FRMD4B: variants seen among roughly 807,000 people sequenced by gnomAD.
FRMD4B encodes FERM domain containing 4B.
Under a neutral mutation model 141.5 loss-of-function variants are expected in FRMD4B, and 74 were observed. That is an observed-to-expected ratio of 0.52 (90% CI 0.43 to 0.63). The LOEUF (loss-of-function observed/expected upper bound fraction) is 0.63, where lower values mean the gene tolerates loss of function less well. Ranked by LOEUF, FRMD4B falls within the 30% of genes least tolerant of loss-of-function variation. The pLI is 0.00. For missense variants in FRMD4B, 1,366 were observed against 1,253.4 expected, an observed-to-expected ratio of 1.09 and a Z score of -1.36; for synonymous variants, 506 against 467.9, an observed-to-expected ratio of 1.08 and a Z score of -1.05.
chr3:69,383,277 A>G (rs973244720), intron 1 of FRMD4B, among the ~76,000 whole-genome samples: 1 of 152,230 alleles, frequency 6.6e-6, no homozygotes, highest in Non-Finnish European at 1.5e-5. Flanking sequence ...TTTTCACTTA[A>G]TATTTGAAAA....
intron 2 of FRMD4B, among the ~76,000 whole-genome samples, chr3:69,411,367 T>C (rs1481870021): frequency 6.6e-6 from 1 of 152,146 alleles, no homozygotes; most frequent in African/African-American, 2.4e-5. Flanking sequence ...AAAAATACAA[T>C]TAACCACCCA....
At position 69,517,335 on chromosome 3, in the gene FRMD4B, C is replaced by A. The variant is rs991830084; in HGVS notation, c.-129+24871G>T. Among the ~76,000 whole-genome samples, 4 of 152,104 alleles carry A rather than the reference C, an allele frequency of 2.6e-5. No individual in the cohort carries two copies. The East Asian group carries it at 7.7e-4, about 29-fold the overall frequency. On this transcript the variant is annotated intron_variant, in intron 1 of 5. Transcript: ENST00000459638. ...CCTCTGTGATGGCTCGCCCAAATAC[C>A]ACCCTATGTCAGATTGATTTGTTCA...
intron 1 of FRMD4B, among the ~76,000 whole-genome samples, chr3:69,354,415 A>G (rs1467069874): frequency 1.3e-5 from 2 of 152,170 alleles, no homozygotes; most frequent in Non-Finnish European, 1.5e-5. Flanking sequence ...TGAAAAAAAG[A>G]ACAGTCTGGA....
chr3:69,268,541 G>A (rs1306857503), intron 5 of FRMD4B, among the ~76,000 whole-genome samples: 1 of 151,996 alleles, frequency 6.6e-6, no homozygotes, highest in East Asian at 1.9e-4. Context: ...AATGTACAAT[G>A]ACAATTTGAA....
chr3:69,332,990 G>C (rs1057410938), intron 1 of FRMD4B, among the ~76,000 whole-genome samples: 7 of 152,050 alleles, frequency 4.6e-5, no homozygotes, highest in Non-Finnish European at 1.0e-4. Context: ...GTTCCTGTAT[G>C]CAATGCTTCA....
chr3:69,298,941 C>A (rs979960572), intron 4 of FRMD4B, among the ~76,000 whole-genome samples: 1 of 151,884 alleles, frequency 6.6e-6, no homozygotes, highest in African/African-American at 2.4e-5. Flanking sequence ...TCATTTTCTT[C>A]TACCACTGCT....
intron 22 of FRMD4B, among the ~76,000 whole-genome samples, chr3:69,174,789 C>T (rs1260862383): frequency 6.6e-6 from 1 of 151,920 alleles, no homozygotes; most frequent in Non-Finnish European, 1.5e-5. Flanking sequence ...ATTTCTGAGT[C>T]AACAAAAAGG....
intron 2 of FRMD4B, among the ~76,000 whole-genome samples, chr3:69,420,087 C>T (rs1704945169): frequency 6.6e-6 from 1 of 152,118 alleles, no homozygotes; most frequent in Admixed American, 6.5e-5. Flanking sequence ...GAAATCCTGA[C>T]CTCAGGTGAT....
intron 2 of FRMD4B, among the ~76,000 whole-genome samples, chr3:69,395,742 A>T (rs1704464297): frequency 6.6e-6 from 1 of 152,228 alleles, no homozygotes; most frequent in South Asian, 2.1e-4. Flanking sequence ...AAGAGCAAGC[A>T]GCAGGAAGCA....
intron 1 of FRMD4B, chr3:69,536,023 C>T (rs928732862): frequency 2.5e-6 from 1 of 397,744 alleles, no homozygotes; most frequent in African/African-American, 2.1e-5. Context: ...CTGGAAGGGA[C>T]CTGCGTGGCC....
intron 1 of FRMD4B, among the ~76,000 whole-genome samples, chr3:69,477,130 C>A (rs13313913): frequency 6.7e-6 from 1 of 150,118 alleles, no homozygotes; most frequent in African/African-American, 2.5e-5. Context: ...TTTCTAGATA[C>A]ACAATCATGT....
At chr3:69,477,084 C>T (rs1312231266) in intron 1 of FRMD4B, among the ~76,000 whole-genome samples, 3 of 152,060 alleles carry the variant, frequency 2.0e-5, no homozygotes, top group African/African-American at 4.8e-5. Context: ...AGGTTGCTTA[C>T]CAGCTTAAGG....
At chr3:69,409,382 C>G (rs920859402) in intron 2 of FRMD4B, among the ~76,000 whole-genome samples, 2 of 152,178 alleles carry the variant, frequency 1.3e-5, no homozygotes, top group Non-Finnish European at 2.9e-5. Flanking sequence ...TCCCATTTCT[C>G]TGTGTGCACC....
chr3:69,296,113 G>C (rs920609904), intron 4 of FRMD4B, among the ~76,000 whole-genome samples: 4 of 152,116 alleles, frequency 2.6e-5, no homozygotes, highest in Admixed American at 1.3e-4. Flanking sequence ...CTGCTCGTGA[G>C]TGGCACCCAG....
intron 1 of FRMD4B, among the ~76,000 whole-genome samples, chr3:69,364,295 T>C (rs538743353): frequency 3.3e-5 from 5 of 152,344 alleles, no homozygotes; most frequent in Admixed American, 6.5e-5. Flanking sequence ...CATGCAAGTT[T>C]AGCCAAGCTG....
At chr3:69,525,671 A>C (rs1020950929) in intron 1 of FRMD4B, among the ~76,000 whole-genome samples, 1 of 151,766 alleles carries the variant, frequency 6.6e-6, no homozygotes, top group African/African-American at 2.4e-5. Flanking sequence ...TTTCCTTTTG[A>C]GACCGAGCCT....
chr3:69,442,787 A>C lies in FRMD4B; in HGVS notation c.-128-10026T>G, dbSNP rs1705360471. On this transcript the variant is annotated intron_variant, in intron 1 of 5. Transcript: ENST00000459638. ...CAGACCTGCTTATGAAGCCACATAAACATTATCAGGGCAACAGCTCAAACA... is the reference window on the plus strand; with the variant it reads ...CAGACCTGCTTATGAAGCCACATAACCATTATCAGGGCAACAGCTCAAACA... 3.9e-5 allele frequency among the ~76,000 whole-genome samples: 6 copies of C among 152,148 alleles called. No individual in the cohort carries two copies. The South Asian group carries it at 1.2e-3, about 31-fold the overall frequency.
chr3:69,242,994 C>CAAAAA (rs34623002), intron 7 of FRMD4B, among the ~76,000 whole-genome samples: 2 of 111,784 alleles, frequency 1.8e-5, no homozygotes, highest in South Asian at 3.0e-4. Context: ...AACTCTGTCT[C>CAAAAA]AAAAAAAAAA....
At chr3:69,402,100 G>T (rs1390446729) in intron 2 of FRMD4B, among the ~76,000 whole-genome samples, 2 of 152,160 alleles carry the variant, frequency 1.3e-5, no homozygotes, top group African/African-American at 4.8e-5. Context: ...AACTATTGCA[G>T]TCATGGGTGA....
Sources: gnomAD v4.1 joint callset for allele counts (sites outside exome capture counted in the v4.1 genomes callset) on GRCh38, gnomAD v4.1.1 for gene constraint, MANE v1.5 for transcripts, NCBI Gene and HGNC (gene_info 2026-07-23, HGNC 2026-07-21) for gene names.